The following UTP20 variants were observed in gnomAD, a reference collection of about 807,000 sequenced individuals.
The protein encoded by UTP20 is small subunit processome component 20 homolog.
A neutral mutation model predicts 329.5 loss-of-function variants in UTP20; 164 were observed. The observed-to-expected ratio is 0.50, with a 90% confidence interval of 0.44 to 0.57. UTP20 has a LOEUF of 0.57. UTP20 is among the 20% of genes least tolerant of loss of function. The pLI, the probability that UTP20 is intolerant of heterozygous loss-of-function variation, is 0.00. For missense variants in UTP20, 3,055 were observed against 3,284.2 expected (o/e 0.93, Z 1.71); for synonymous variants, 1,151 against 1,159.3 (o/e 0.99, Z 0.14).
chr12:101,386,118 G>C lies in UTP20; in HGVS notation c.8353G>C (p.Glu2785Gln), dbSNP rs140645724. The change falls in exon 62 of 62, where the codon GAG (glutamate) becomes CAG (glutamine). Residue 2785 changes from glutamate (E) to glutamine (Q), a missense_variant. Physicochemically the swap from Glu to Gln is conservative, Grantham distance 29. This residue lies in a region of UTP20 where 337 missense variants were observed against 345.5 expected (regional missense o/e 0.98). Transcript: ENST00000261637. ...TAGCCTGAAAGATTTAGCAATGGTGGAGTAATGTCTCCCTGTGCTGATACA... is the reference window on the plus strand; with the variant it reads ...TAGCCTGAAAGATTTAGCAATGGTGCAGTAATGTCTCCCTGTGCTGATACA... ...SHSLKDLAMV[E>Q] is the part of the protein sequence containing the mutation. 130 of 1,604,604 alleles carry C rather than the reference G, an allele frequency of 8.1e-5. No individual in the cohort carries two copies. The African/African-American group carries it at 1.4e-3, about 17-fold the overall frequency.
At chr12:101,385,007 T>C (rs1191868848) in intron 60 of UTP20, among the ~76,000 whole-genome samples, 1 of 151,530 alleles carries the variant, frequency 6.6e-6, no homozygotes, top group Non-Finnish European at 1.5e-5. Context: ...AAATTGGGGG[T>C]TATTTGTATA....
In UTP20 at chr12:101,290,032, C is replaced by G. The variant is rs544492302; in HGVS notation, c.598-105C>G. The G allele has an allele frequency of 4.5e-6, 4 of 886,226 alleles. No homozygotes were observed. In the East Asian group the frequency reaches 8.8e-5, roughly 20 times the overall value. 54.9% of individuals were successfully genotyped at this position (886,226 alleles called of 1,614,324 possible). ...TGTCTGTTCTTTTCACAATTTTTTC[C>G]TAAGTATATTTAAATAACAATATAT... On this transcript the variant is annotated intron_variant, in intron 6 of 61. Coordinates refer to ENST00000261637, the MANE Select transcript of UTP20 (RefSeq NM_014503.3).
At chr12:101,324,363 A>G (rs998991264) in intron 25 of UTP20, among the ~76,000 whole-genome samples, 1 of 151,694 alleles carries the variant, frequency 6.6e-6, no homozygotes, top group Non-Finnish European at 1.5e-5. Flanking sequence ...TCAGCTCCCC[A>G]TGTACCTGGG....
intron 38 of UTP20, among the ~76,000 whole-genome samples, chr12:101,347,454 C>T (rs1197475597): frequency 6.6e-6 from 1 of 151,914 alleles, no homozygotes. Flanking sequence ...ACCCAGGAGG[C>T]AGAGGCTGCA....
intron 6 of UTP20, 71 bp downstream of exon 6, chr12:101,289,112 C>T: frequency 2.9e-6 from 4 of 1,382,794 alleles, no homozygotes; most frequent in Non-Finnish European, 2.0e-6. Context: ...CGTGGTGGCT[C>T]ATGCCTGTAA....
intron 43 of UTP20, among the ~76,000 whole-genome samples, chr12:101,361,488 C>T (rs528287036): frequency 2.0e-5 from 3 of 151,824 alleles, no homozygotes; most frequent in South Asian, 2.1e-4. Context: ...TAGCCAGTCA[C>T]GATGCCGGGT....
rs146805263 is a variant in UTP20, at chr12:101,327,747, G to A, written c.3208+500G>A. Among the ~76,000 whole-genome samples the A allele has an allele frequency of 6.6e-5, 10 of 152,280 alleles. No individual in the cohort carries two copies. The East Asian group carries it at 1.9e-3, about 29-fold the overall frequency. On this transcript the variant is annotated intron_variant, in intron 26 of 61. Transcript: ENST00000261637. ...TAGTTGAGATGAAATGGATGTAATC[G>A]TGTATACATTGAGCTAGAGTGCTCT...
intron 23 of UTP20, among the ~76,000 whole-genome samples, chr12:101,320,297 T>C (rs1873107579): frequency 6.6e-6 from 1 of 152,154 alleles, no homozygotes; most frequent in Non-Finnish European, 1.5e-5. Flanking sequence ...AGCTCACGCC[T>C]GTAATCCTAG....
chr12:101,379,699 A>T, intron 57 of UTP20, 141 bp downstream of exon 57: 1 of 897,492 alleles, frequency 1.1e-6, no homozygotes. Flanking sequence ...TAGGAATATT[A>T]GTCACTGGAG....
At chr12:101,351,946 C>T in intron 38 of UTP20, 109 bp from the exon 39 acceptor site, 1 of 1,306,570 alleles carries the variant, frequency 7.7e-7, no homozygotes, top group Non-Finnish European at 1.1e-6. Context: ...GACATTCTTT[C>T]TCTTCTGTAA....
At chr12:101,286,706 A>T (rs1452072062) in intron 5 of UTP20, among the ~76,000 whole-genome samples, 197 bp downstream of exon 5, 1 of 151,844 alleles carries the variant, frequency 6.6e-6, no homozygotes, top group Non-Finnish European at 1.5e-5. Flanking sequence ...AGCTACTGGA[A>T]GTATACCCAC....
At chr12:101,346,350 A>T in intron 37 of UTP20, 101 bp from the exon 38 acceptor site, 1 of 1,387,432 alleles carries the variant, frequency 7.2e-7, no homozygotes, top group Non-Finnish European at 9.6e-7. Context: ...GCACCTGGCC[A>T]CTCCTTTAAT....
rs150680298 is a variant in UTP20, at chr12:101,330,514, T to C, written c.3417+1065T>C. Among the ~76,000 whole-genome samples, 409 of 152,258 alleles carry C rather than the reference T, an allele frequency of 2.7e-3. 5 individuals carry two copies. Among genetic ancestry groups the C allele is most frequent in the East Asian group, 7.7e-4 (4 of 5,188 alleles). On this transcript the variant is annotated intron_variant, in intron 27 of 61. Coordinates refer to ENST00000261637, the MANE Select transcript of UTP20 (RefSeq NM_014503.3). ...AGGACTGTGTAGTGTTTTAAAAATA[T>C]TGCTTTAGTTGCTTTGTGGAAAAGG... is the stretch of plus-strand genomic sequence containing the variant.
chr12:101,364,056 T>C lies in UTP20; in HGVS notation c.5958+313T>C, dbSNP rs758801311. On this transcript the variant is annotated intron_variant, in intron 45 of 61. Coordinates refer to ENST00000261637, the MANE Select transcript of UTP20 (RefSeq NM_014503.3). ...AGCCGCATAGTGCTTATCTTTGAGG[T>C]TGAGGTTGTGAGTAACATTTCCTTA... is the stretch of plus-strand genomic sequence containing the variant. Among the ~76,000 whole-genome samples, 35 of 152,176 alleles carry C rather than the reference T, an allele frequency of 2.3e-4. 1 individual carries two copies. In the Middle Eastern group the frequency reaches 0.01, roughly 44 times the overall value.
intron 14 of UTP20, among the ~76,000 whole-genome samples, chr12:101,301,913 C>G (rs558035121): frequency 1.3e-5 from 2 of 152,080 alleles, no homozygotes; most frequent in African/African-American, 4.8e-5. Context: ...TTATTCTCTA[C>G]TTCTGAGTAT....
chr12:101,338,024 T>G, intron 29 of UTP20, 27 bp from the exon 30 acceptor site: 1 of 1,602,154 alleles, frequency 6.2e-7, no homozygotes, highest in Non-Finnish European at 8.5e-7. Flanking sequence ...GAGAATAAGA[T>G]GATTACTACA....
intron 61 of UTP20, 113 bp downstream of exon 61, chr12:101,385,841 A>G (rs1870809336): frequency 6.7e-7 from 1 of 1,487,986 alleles, no homozygotes; most frequent in African/African-American, 1.4e-5. Context: ...GCGGTTGGGG[A>G]CTTTATAGCT....
At chr12:101,309,972 T>C (rs1436742565) in intron 19 of UTP20, 133 bp downstream of exon 19, 1 of 712,584 alleles carries the variant, frequency 1.4e-6, no homozygotes, top group African/African-American at 1.8e-5. Context: ...TTAAATCCTT[T>C]GTGAGACAAG....
intron 1 of UTP20, among the ~76,000 whole-genome samples, 164 bp downstream of exon 1, chr12:101,280,491 G>A (rs146563866): frequency 6.6e-6 from 1 of 152,316 alleles, no homozygotes; most frequent in Non-Finnish European, 1.5e-5. Context: ...AACATGGGTT[G>A]GAGGAGGAAA....
Sources: gnomAD v4.1 joint callset for allele counts (sites outside exome capture counted in the v4.1 genomes callset) on GRCh38, gnomAD v4.1.1 for gene constraint, gnomAD v4.1.1 regional missense constraint, MANE v1.5 for transcripts, NCBI Gene and HGNC (gene_info 2026-07-23, HGNC 2026-07-21) for gene names.